Variants in PDGFRL observed in about 807,000 individuals in gnomAD.
The protein encoded by PDGFRL is platelet derived growth factor receptor like, also known as platelet-derived growth factor receptor-like protein.
In PDGFRL, 46 loss-of-function variants were observed where a neutral mutation model predicts 37.2. The ratio of observed to expected loss-of-function variants is 1.24; its 90% CI spans 0.98 to 1.58. The LOEUF (loss-of-function observed/expected upper bound fraction) is 1.58. Among genes scored for constraint, PDGFRL ranks in the 40% most tolerant of loss-of-function variants. The pLI is 0.00. For synonymous variants in PDGFRL, 251 were observed against 184.3 expected, an observed-to-expected ratio of 1.36 and a Z score of -2.93; for missense variants, 692 against 467.6, an observed-to-expected ratio of 1.48 and a Z score of -4.43.
At chr8:17,582,621 C>T (rs1474526572) in intron 1 of PDGFRL, among the ~76,000 whole-genome samples, 1 of 149,320 alleles carries the variant, frequency 6.7e-6, no homozygotes, top group Admixed American at 6.7e-5. Flanking sequence ...AGATCAATTA[C>T]AGCAGCAAAG....
At chr8:17,582,644 G>T (rs541804313) in intron 1 of PDGFRL, among the ~76,000 whole-genome samples, 7 of 151,806 alleles carry the variant, frequency 4.6e-5, no homozygotes, top group East Asian at 3.9e-4. Flanking sequence ...ATGACCTAAA[G>T]GTAGAATTTA....
chr8:17,624,628 T>A, intron 3 of PDGFRL, among the ~76,000 whole-genome samples: 1 of 152,180 alleles, frequency 6.6e-6, no homozygotes, highest in African/African-American at 2.4e-5. Flanking sequence ...CTTTCCTGGC[T>A]GGGTGCAGTG....
At chr8:17,579,718 G>A (rs1334914027) in intron 1 of PDGFRL, among the ~76,000 whole-genome samples, 1 of 152,034 alleles carries the variant, frequency 6.6e-6, no homozygotes, top group Non-Finnish European at 1.5e-5. Flanking sequence ...CCCTGCAAGT[G>A]TGTATGGGGG....
intron 3 of PDGFRL, among the ~76,000 whole-genome samples, chr8:17,623,830 C>T (rs919695773): frequency 8.7e-5 from 13 of 149,846 alleles, no homozygotes; most frequent in East Asian, 2.0e-4. Context: ...GTCAAGATTG[C>T]GCCACTGCAC....
chr8:17,603,826 G>A (rs372007729), intron 2 of PDGFRL, among the ~76,000 whole-genome samples: 1 of 152,238 alleles, frequency 6.6e-6, no homozygotes, highest in South Asian at 2.1e-4. Flanking sequence ...ATGCTGTCAA[G>A]GAGGAGGAAA....
In PDGFRL at chr8:17,633,983, C is replaced by A. The variant is rs1804914895; in HGVS notation, c.800-91C>A. ...GAGCTGTGAGAAAGGCAGAAAATTC[C>A]ATCTCTCTCCATGGAAAAGAATGCA... On this transcript the variant is annotated intron_variant, in intron 4 of 5. Coordinates refer to ENST00000251630, the MANE Select transcript of PDGFRL (RefSeq NM_001372073.1). 3.9e-6 allele frequency: 5 copies of A among 1,296,078 alleles called. No individual in the cohort carries two copies. In the Admixed American group the frequency reaches 8.4e-5, roughly 22 times the overall value. The allele number at this position is 1,296,078 out of a possible 1,614,324, so 80.3% of individuals were successfully genotyped here.
At chr8:17,626,785 T>A (rs1804743094) in intron 3 of PDGFRL, among the ~76,000 whole-genome samples, 2 of 152,108 alleles carry the variant, frequency 1.3e-5, no homozygotes. Flanking sequence ...AAAAGCCCAG[T>A]CCAGAGTTTC....
At chr8:17,635,737 C>T (rs1197085189) in intron 5 of PDGFRL, among the ~76,000 whole-genome samples, 3 of 152,208 alleles carry the variant, frequency 2.0e-5, no homozygotes, top group Admixed American at 6.5e-5. Context: ...TACATTCCCA[C>T]CAGCAGTGTA....
Position 17,642,788 on chromosome 8 carries a change from T to TTGAG in PDGFRL, c.1117_1120dup (p.Phe374Ter). 6.2e-7 allele frequency: 1 copy of TTGAG among 1,602,640 alleles called. No individual in the cohort carries two copies. The highest frequency in any genetic ancestry group is 1.3e-5 in the African/African-American group (1 of 74,766). On this transcript the variant is annotated frameshift_variant, in exon 6 of 6. Coordinates refer to ENST00000251630, the MANE Select transcript of PDGFRL (RefSeq NM_001372073.1). LOFTEE classifies it high-confidence loss of function. Reference sequence around the variant, plus strand: ...GGACAGACCACAGTAGCTACCACTGTTGAGTTTTCCTGACTTGGAAAAGGA... The same window carrying TTGAG: ...GGACAGACCACAGTAGCTACCACTGTTGAGTGAGTTTTCCTGACTTGGAAAAGGA...
chr8:17,638,488 C>G (rs565059510), intron 5 of PDGFRL, among the ~76,000 whole-genome samples: 7 of 151,788 alleles, frequency 4.6e-5, no homozygotes, highest in African/African-American at 1.4e-4. Flanking sequence ...GGAGAATGTT[C>G]CATGTGCTGA....
chr8:17,577,045 C>A, upstream of PDGFRL: 1 of 664,822 alleles, frequency 1.5e-6, no homozygotes, highest in Non-Finnish European at 2.4e-6. Context: ...ACCGCGGCTC[C>A]GCCAGGGGGC....
chr8:17,641,611 A>G (rs376648425), intron 5 of PDGFRL, among the ~76,000 whole-genome samples: 9 of 152,336 alleles, frequency 5.9e-5, no homozygotes, highest in East Asian at 5.8e-4. Context: ...ATAATTTTAA[A>G]GTAGACTTCT....
chr8:17,621,126 C>G lies in PDGFRL; in HGVS notation c.429C>G (p.Cys143Trp). Residue 143 changes from cysteine to tryptophan, a missense_variant, in exon 3 of 6, where the codon TGC becomes TGG. By Grantham distance (215) the Cys-to-Trp change is radical. Transcript: ENST00000251630. ...STSADTGEFSCWVQLCSGYIC... is the reference protein window; with the variant it reads ...STSADTGEFSWWVQLCSGYIC... ...CGGCAGACACAGGTGAATTCAGCTG[C>G]TGGGTGCAGCTCTGCAGCGGCTACA... The G allele has an allele frequency of 1.2e-6, 2 of 1,612,126 alleles. No homozygotes were observed. Among genetic ancestry groups the G allele is most frequent in the Non-Finnish European group, 1.7e-6 (2 of 1,178,648 alleles).
intron 5 of PDGFRL, among the ~76,000 whole-genome samples, chr8:17,635,638 C>A (rs527802105): frequency 6.6e-6 from 1 of 152,242 alleles, no homozygotes; most frequent in South Asian, 2.1e-4. Context: ...TGGGTAGATA[C>A]CCAGTAATGG....
At chr8:17,631,241 T>C (rs1442863949) in intron 4 of PDGFRL, among the ~76,000 whole-genome samples, 1 of 151,980 alleles carries the variant, frequency 6.6e-6, no homozygotes, top group Non-Finnish European at 1.5e-5. Context: ...GGAGGGGAAA[T>C]AGTTTCTCTT....
At position 17,635,696 on chromosome 8, in the gene PDGFRL, T is replaced by G. The variant is rs561153546; in HGVS notation, c.939+1483T>G. 4.6e-5 allele frequency among the ~76,000 whole-genome samples: 7 copies of G among 152,320 alleles called. No individual in the cohort carries two copies. In the South Asian group the frequency reaches 1.2e-3, roughly 27 times the overall value. The stretch of plus-strand genomic sequence containing the variant: ...TCTACTTTTAGTTCTTTAAGGAATC[T>G]CCACAGTTTTCCATAGTGGTTGTAC... On this transcript the variant is annotated intron_variant, in intron 5 of 5. Transcript: ENST00000251630.
At chr8:17,629,494 T>A (rs1804816343) in intron 4 of PDGFRL, among the ~76,000 whole-genome samples, 1 of 152,194 alleles carries the variant, frequency 6.6e-6, no homozygotes, top group African/African-American at 2.4e-5. Flanking sequence ...GCTGGCATCC[T>A]TCTTGTACCC....
At chr8:17,613,155 G>C (rs1162798836) in intron 2 of PDGFRL, among the ~76,000 whole-genome samples, 1 of 152,186 alleles carries the variant, frequency 6.6e-6, no homozygotes, top group Non-Finnish European at 1.5e-5. Flanking sequence ...CATCTAGGTA[G>C]CAAGGATCTC....
intron 3 of PDGFRL, among the ~76,000 whole-genome samples, chr8:17,621,773 C>A (rs1295875057): frequency 6.6e-6 from 1 of 152,156 alleles, no homozygotes; most frequent in East Asian, 1.9e-4. Context: ...CTATGACCAT[C>A]TTCTTTTTGG....
Sources: gnomAD v4.1 joint callset for allele counts (sites outside exome capture counted in the v4.1 genomes callset) on GRCh38, gnomAD v4.1.1 for gene constraint, MANE v1.5 for transcripts, NCBI Gene and HGNC (gene_info 2026-07-23, HGNC 2026-07-21) for gene names.